UBE2O: variants seen among roughly 807,000 people sequenced by gnomAD.
UBE2O encodes the protein ubiquitin conjugating enzyme E2 O.
Under a neutral mutation model 125.8 loss-of-function variants are expected in UBE2O, and 15 were observed. That is an observed-to-expected ratio of 0.12 (90% CI 0.08 to 0.18). The LOEUF (loss-of-function observed/expected upper bound fraction) is 0.18, where lower values mean the gene tolerates loss of function less well. Among genes scored for constraint, UBE2O ranks in the 10% least tolerant of loss-of-function variants. UBE2O has a pLI of 1.00. For missense variants in UBE2O, 1,280 were observed against 1,723.6 expected, an observed-to-expected ratio of 0.74 and a Z score of 4.56; for synonymous variants, 708 against 703.2, an observed-to-expected ratio of 1.01 and a Z score of -0.11.
chr17:76,427,888 A>T lies in UBE2O; in HGVS notation c.418-22316T>A, dbSNP rs182160701. Reference sequence around the variant, plus strand: ...TTGAGGGGATTTCTGTTTCAACTCCATGCTTCACGTGTTCATGCAAATCCA... The same window carrying T: ...TTGAGGGGATTTCTGTTTCAACTCCTTGCTTCACGTGTTCATGCAAATCCA... On this transcript the variant is annotated intron_variant, in intron 1 of 17. Coordinates refer to ENST00000319380, the MANE Select transcript of UBE2O (RefSeq NM_022066.4). Among the ~76,000 whole-genome samples, 13 of 152,274 alleles carry T rather than the reference A, an allele frequency of 8.5e-5. No individual in the cohort carries two copies. In the East Asian group the frequency reaches 2.5e-3, roughly 29 times the overall value.
At position 76,452,530 on chromosome 17, in the gene UBE2O, G is replaced by A. The variant is rs1289127298; in HGVS notation, c.417+195C>T. The stretch of plus-strand genomic sequence containing the variant: ...GGGCCCGCCCGGTCCCGGGCCAGCA[G>A]TGCCTGGCTGGCGTGTGCGCCCAGA... On this transcript the variant is annotated intron_variant, in intron 1 of 17. Transcript: ENST00000319380. The surrounding 1 kb of genome is among the most constrained non-coding windows in gnomAD (Gnocchi z 4.4). Among the ~76,000 whole-genome samples the A allele has an allele frequency of 1.3e-5, 2 of 152,182 alleles. No individual in the cohort carries two copies. Among genetic ancestry groups the A allele is most frequent in the South Asian group, 2.1e-4 (1 of 4,834 alleles).
chr17:76,391,955 G>C lies in UBE2O; in HGVS notation c.3105C>G (p.Asp1035Glu). 1.2e-6 allele frequency: 2 copies of C among 1,612,072 alleles called. No homozygotes were observed. The change falls in exon 16 of 18, where the codon GAC (aspartate) becomes GAG (glutamate). Residue 1035 changes from aspartate to glutamate, a missense_variant. Physicochemically the swap from Asp to Glu is conservative, Grantham distance 45 (BLOSUM62 2). This residue lies in a region of UBE2O where 37 missense variants were observed against 115.6 expected (regional missense o/e 0.32). Coordinates refer to ENST00000319380, the MANE Select transcript of UBE2O (RefSeq NM_022066.4). This position sits in a 1 kb window ranked among gnomAD's most constrained non-coding sequence, Gnocchi z 8.4. The stretch of plus-strand genomic sequence containing the variant: ...GGAGGCTGACACACACCTTCCCATT[G>C]TCATACAGGTTGGGGTTCAGGCGGC... The part of the protein sequence containing the change: ...CSGRLNPNLY[D>E]NGKVCVSLLG...
intron 1 of UBE2O, among the ~76,000 whole-genome samples, chr17:76,409,722 T>A (rs576752674): frequency 2.4e-4 from 36 of 152,252 alleles, no homozygotes; most frequent in African/African-American, 7.2e-4. Context: ...CACATGTGAC[T>A]CAACAGTGGG....
chr17:76,428,886 A>G (rs1181056739), intron 1 of UBE2O, among the ~76,000 whole-genome samples: 1 of 150,866 alleles, frequency 6.6e-6, no homozygotes, highest in Non-Finnish European at 1.5e-5. Context: ...TGAAGGGTAG[A>G]GGGGACCCCT....
At chr17:76,439,017 G>C (rs536545520) in intron 1 of UBE2O, among the ~76,000 whole-genome samples, 36 of 152,158 alleles carry the variant, frequency 2.4e-4, no homozygotes, top group Non-Finnish European at 4.4e-4. Context: ...TCTGATGTAA[G>C]TCCTCTTTAT....
In UBE2O at chr17:76,398,615, CT is replaced by C; in HGVS notation, c.1784-32del. The stretch of plus-strand genomic sequence containing the variant: ...GAACCAGAGAAAGGGAAGTGACTAG[CT>C]AAGGGATCCCGGCTAAGGAGCCCAC... On this transcript the variant is annotated intron_variant, in intron 10 of 17. Transcript: ENST00000319380. This position sits in a 1 kb window ranked among gnomAD's most constrained non-coding sequence, Gnocchi z 5.4. 6.2e-7 allele frequency: 1 copy of C among 1,602,702 alleles called. No homozygotes were observed. Among genetic ancestry groups the C allele is most frequent in the Non-Finnish European group, 8.5e-7 (1 of 1,170,678 alleles).
Position 76,398,173 on chromosome 17 carries a change from G to T in UBE2O, c.2025+82C>A. The T allele has an allele frequency of 6.3e-7, 1 of 1,590,662 alleles. No homozygotes were observed. The highest frequency in any genetic ancestry group is 8.6e-7 in the Non-Finnish European group (1 of 1,162,760). ...GGACTTTCAGGTCTTGTCTCCTAGAGCCACCTGGTGGCAGCATCAGGGACT... is the reference window on the plus strand; with the variant it reads ...GGACTTTCAGGTCTTGTCTCCTAGATCCACCTGGTGGCAGCATCAGGGACT... On this transcript the variant is annotated intron_variant, in intron 12 of 17. Transcript: ENST00000319380. This position sits in a 1 kb window ranked among gnomAD's most constrained non-coding sequence, Gnocchi z 5.4.
chr17:76,390,939 G>A lies in UBE2O; in HGVS notation c.*4C>T, dbSNP rs756836867. ...GGTGATGCTCTTTCCTCTGTGCCTG[G>A]CAGCTACTTGTCCTCTGTGCACTCC... On this transcript the variant is annotated 3_prime_UTR_variant, in exon 18 of 18. Transcript: ENST00000319380. The A allele has an allele frequency of 8.8e-6, 14 of 1,592,972 alleles. No homozygotes were observed. In the South Asian group the frequency reaches 1.4e-4, roughly 16 times the overall value.
chr17:76,449,027 T>C (rs2073192743), intron 1 of UBE2O, among the ~76,000 whole-genome samples: 1 of 152,262 alleles, frequency 6.6e-6, no homozygotes, highest in African/African-American at 2.4e-5. Context: ...TTTTGGTGGC[T>C]GGAAGCCTCA....
chr17:76,392,045 G>A lies in UBE2O; in HGVS notation c.3015C>T (p.Asp1005=), dbSNP rs1436215202. 1.3e-6 allele frequency: 2 copies of A among 1,524,854 alleles called. No individual in the cohort carries two copies. Among genetic ancestry groups the A allele is most frequent in the Non-Finnish European group, 1.8e-6 (2 of 1,131,670 alleles). 94.5% of individuals were successfully genotyped at this position (1,524,854 alleles called of 1,614,324 possible). A position where few individuals can be genotyped will look rare whatever the true frequency, so the allele number is the denominator to read the frequency against. ...CTGGGTAGATGTTGGGGAGCTGGATGTCAAACAAGTAGAGGCCATCCTCGT... is the reference window on the plus strand; with the variant it reads ...CTGGGTAGATGTTGGGGAGCTGGATATCAAACAAGTAGAGGCCATCCTCGT... ...TPYEDGLYLF[D]IQLPNIYPAV... Residue 1005 remains aspartate, a synonymous_variant, in exon 16 of 18, where the codon GAC becomes GAT. Coordinates refer to ENST00000319380, the MANE Select transcript of UBE2O (RefSeq NM_022066.4).
At chr17:76,429,636 GACC>G (rs749203435) in intron 1 of UBE2O, among the ~76,000 whole-genome samples, 83 of 151,936 alleles carry the variant, frequency 5.5e-4, no homozygotes, top group Non-Finnish European at 1.1e-3. Flanking sequence ...GACAGGTGAG[GACC>G]ACATTAGATG....
In UBE2O at chr17:76,391,253, G is replaced by C. The variant is rs958639120; in HGVS notation, c.3569C>G (p.Pro1190Arg). 2 of 1,613,152 alleles carry C rather than the reference G, an allele frequency of 1.2e-6. No homozygotes were observed. The highest frequency in any genetic ancestry group is 1.7e-6 in the Non-Finnish European group (2 of 1,179,876). The change falls in exon 18 of 18, where the codon CCA (proline) becomes CGA (arginine). Residue 1190 changes from proline (P) to arginine (R), a missense_variant. This residue lies in a region of UBE2O where 233 missense variants were observed against 279.0 expected (regional missense o/e 0.84). Coordinates refer to ENST00000319380, the MANE Select transcript of UBE2O (RefSeq NM_022066.4). The surrounding 1 kb of genome is among the most constrained non-coding windows in gnomAD (Gnocchi z 8.4). ...GCCCTGGGAGGCCTCTCCTGGGGCT[G>C]GCCCTCCATCCTCAGGTTCTTGTTG... ...SGQQEPEDGG[P>R]APGEASQGSD...
At chr17:76,416,178 G>A (rs755700294) in intron 1 of UBE2O, among the ~76,000 whole-genome samples, 6 of 151,810 alleles carry the variant, frequency 4.0e-5, no homozygotes, top group African/African-American at 7.3e-5. Flanking sequence ...ATACGTGTGT[G>A]TGTGTATATG....
In UBE2O at chr17:76,395,665, C is replaced by T. The variant is rs1353484002; in HGVS notation, c.2946+60G>A. Reference sequence around the variant, plus strand: ...GGTTTGGGGACCCAAGGTTGGTGGCCTCTTGGGCACTGGGTGCCCACACAG... The same window carrying T: ...GGTTTGGGGACCCAAGGTTGGTGGCTTCTTGGGCACTGGGTGCCCACACAG... On this transcript the variant is annotated intron_variant, in intron 15 of 17. Transcript: ENST00000319380. This position sits in a 1 kb window ranked among gnomAD's most constrained non-coding sequence, Gnocchi z 5.0. The T allele has an allele frequency of 6.4e-7, 1 of 1,555,166 alleles. No homozygotes were observed. The highest frequency in any genetic ancestry group is 8.7e-7 in the Non-Finnish European group (1 of 1,152,828).
At chr17:76,437,963 T>A (rs1052718829) in intron 1 of UBE2O, among the ~76,000 whole-genome samples, 1 of 152,214 alleles carries the variant, frequency 6.6e-6, no homozygotes, top group African/African-American at 2.4e-5. Context: ...TCTCGTTGCC[T>A]GGATGCCTCC....
chr17:76,406,682 A>G (rs1329653038), intron 1 of UBE2O, among the ~76,000 whole-genome samples: 1 of 140,388 alleles, frequency 7.1e-6, no homozygotes, highest in Admixed American at 7.2e-5. Context: ...GGAACTCATG[A>G]GCCCAAGTTG....
Position 76,391,447 on chromosome 17 carries a change from C to T in UBE2O, c.3375G>A (p.Gln1125=). The T allele has an allele frequency of 6.2e-7, 1 of 1,613,812 alleles. No homozygotes were observed. Among genetic ancestry groups the T allele is most frequent in the African/African-American group, 1.3e-5 (1 of 75,074 alleles). The change falls in exon 18 of 18, where the codon CAG becomes CAA. Residue 1125 remains glutamine (Q), a synonymous_variant. Transcript: ENST00000319380. The surrounding 1 kb of genome is among the most constrained non-coding windows in gnomAD (Gnocchi z 8.4). ...CAGTGCTAAAGTGTTGCCTGATCTCCTGCTCAAAGACCTCGGGGGGCCGCC... is the reference window on the plus strand; with the variant it reads ...CAGTGCTAAAGTGTTGCCTGATCTCTTGCTCAAAGACCTCGGGGGGCCGCC... ...LVRRPPEVFE[Q]EIRQHFSTGG...
intron 1 of UBE2O, among the ~76,000 whole-genome samples, chr17:76,442,333 C>A (rs1011397478): frequency 6.6e-6 from 1 of 152,202 alleles, no homozygotes; most frequent in Non-Finnish European, 1.5e-5. Context: ...CCAACTTGGG[C>A]AATAAATTAC....
rs1269989902 is a variant in UBE2O at position 76,396,391 on chromosome 17, C to T, written c.2546G>A (p.Arg849Gln). 7.4e-6 allele frequency: 12 copies of T among 1,614,060 alleles called. No homozygotes were observed. Among genetic ancestry groups the T allele is most frequent in the South Asian group, 1.1e-5 (1 of 91,086 alleles). ...GATGTCATCCAGAAACTTCTTCTCC[C>T]GAGTTGGCTTCTCAGGCTCCACAGT... ...SPTVEPEKPTREKKFLDDIKK... is the reference protein window; with the variant it reads ...SPTVEPEKPTQEKKFLDDIKK... The change falls in exon 14 of 18, where the codon CGG becomes CAG. Residue 849 changes from arginine (R) to glutamine (Q), a missense_variant. Physicochemically the swap from Arg to Gln is conservative, Grantham distance 43 (BLOSUM62 1). Transcript: ENST00000319380. This position sits in a 1 kb window ranked among gnomAD's most constrained non-coding sequence, Gnocchi z 6.7.
Sources: allele counts gnomAD v4.1 joint callset (sites outside exome capture counted in the v4.1 genomes callset), GRCh38; gene constraint gnomAD v4.1.1; regional missense constraint gnomAD v4.1.1; non-coding constraint Gnocchi (gnomAD v3.1); transcripts MANE v1.5; gene names NCBI Gene and HGNC (gene_info 2026-07-23, HGNC 2026-07-21).